The following COL19A1 variants were observed in gnomAD, a reference collection of about 807,000 sequenced individuals.
The protein encoded by COL19A1 is collagen type XIX alpha 1 chain.
In COL19A1, 159 loss-of-function variants were observed where a neutral mutation model predicts 190.2. The observed-to-expected ratio is 0.84, with a 90% CI of 0.73 to 0.95. COL19A1 has a LOEUF of 0.95. Among genes scored for constraint, COL19A1 ranks in the 40% least tolerant of loss-of-function variants. The pLI is 0.00. For missense variants in COL19A1, 1,418 were observed against 1,431.9 expected, an observed-to-expected ratio of 0.99 and a Z score of 0.16; for synonymous variants, 509 against 458.9, an observed-to-expected ratio of 1.11 and a Z score of -1.39.
At chr6:70,027,751 T>C (rs1389363970) in intron 12 of COL19A1, among the ~76,000 whole-genome samples, 1 of 152,048 alleles carries the variant, frequency 6.6e-6, no homozygotes. Flanking sequence ...ACCTTGTCTT[T>C]ACACACAATC....
At chr6:70,163,487 C>A in intron 36 of COL19A1, 91 bp downstream of exon 36, 1 of 1,224,584 alleles carries the variant, frequency 8.2e-7, no homozygotes, top group Non-Finnish European at 1.2e-6. Flanking sequence ...TAAAATCAAG[C>A]AAAGCCTAAA....
At chr6:70,118,228 A>T (rs1487733993) in intron 16 of COL19A1, among the ~76,000 whole-genome samples, 2 of 152,218 alleles carry the variant, frequency 1.3e-5, no homozygotes, top group African/African-American at 4.8e-5. Flanking sequence ...AAAATAGCAC[A>T]TCTCTTGGGA....
chr6:69,975,778 A>G (rs1188762723), intron 11 of COL19A1, among the ~76,000 whole-genome samples: 2 of 152,166 alleles, frequency 1.3e-5, no homozygotes, highest in Non-Finnish European at 2.9e-5. Context: ...ACATGACCAG[A>G]ACACAGCACT....
Position 70,039,758 on chromosome 6 carries a change from TTG to T in COL19A1, c.1170+3821_1170+3822del, listed in dbSNP as rs1427522998. Among the ~76,000 whole-genome samples, 539 of 143,120 alleles carry T rather than the reference TTG, an allele frequency of 3.8e-3. 3 individuals are homozygous for T. Among genetic ancestry groups the T allele is most frequent in the African/African-American group, 0.014 (509 of 35,182 alleles). The allele number at this position is 143,120 out of a possible 152,430, so 93.9% of individuals were successfully genotyped here. A position where few individuals can be genotyped will look rare whatever the true frequency, so the allele number is the denominator to read the frequency against. On this transcript the variant is annotated intron_variant, in intron 14 of 50. Transcript: ENST00000620364. ...CCTTTATGATGTTTTTGGGGAAGTA[TTG>T]TTTTTTTTTTTTTTTCTTTTGAGAC...
At chr6:70,025,005 G>A (rs1427492110) in intron 12 of COL19A1, among the ~76,000 whole-genome samples, 2 of 151,880 alleles carry the variant, frequency 1.3e-5, no homozygotes, top group Non-Finnish European at 2.9e-5. Context: ...GTCTGTAAAA[G>A]TGATGGACTT....
intron 11 of COL19A1, 112 bp downstream of exon 11, chr6:69,962,982 TTA>T (rs1774890184): frequency 2.9e-6 from 2 of 685,030 alleles, no homozygotes; most frequent in Non-Finnish European, 2.3e-6. Context: ...TTCAATAATT[TTA>T]TAGACATAAC....
At chr6:70,097,568 C>T (rs1301753717) in intron 15 of COL19A1, among the ~76,000 whole-genome samples, 2 of 152,010 alleles carry the variant, frequency 1.3e-5, no homozygotes, top group Non-Finnish European at 2.9e-5. Flanking sequence ...TTTAAAACAG[C>T]CCTCCAGGTG....
intron 18 of COL19A1, among the ~76,000 whole-genome samples, chr6:70,136,038 A>G (rs369645411): frequency 6.6e-6 from 1 of 152,192 alleles, no homozygotes; most frequent in East Asian, 1.9e-4. Context: ...TTTGTTATCA[A>G]CAGAGTAGGC....
intron 15 of COL19A1, among the ~76,000 whole-genome samples, chr6:70,086,736 C>T (rs758254236): frequency 3.3e-5 from 5 of 152,140 alleles, no homozygotes; most frequent in Non-Finnish European, 7.4e-5. Flanking sequence ...GTTTTGATGT[C>T]GATGCTCATC....
At chr6:70,061,505 C>T (rs1422169401) in intron 14 of COL19A1, among the ~76,000 whole-genome samples, 1 of 151,982 alleles carries the variant, frequency 6.6e-6, no homozygotes, top group Non-Finnish European at 1.5e-5. Flanking sequence ...TATCTTAGTA[C>T]TTGAGTCTCG....
At position 69,936,925 on chromosome 6, in the gene COL19A1, A is replaced by G; in HGVS notation, c.873+15A>G. On this transcript the variant is annotated intron_variant, in intron 8 of 50. Coordinates refer to ENST00000620364, the MANE Select transcript of COL19A1 (RefSeq NM_001858.6). ...TTCCAAACAAGGTATGCTAGTTTTA[A>G]TTGGTGCACACTGAAAGCCACTCCA... 1 of 1,611,892 alleles carries G rather than the reference A, an allele frequency of 6.2e-7. No homozygotes were observed. Among genetic ancestry groups the G allele is most frequent in the South Asian group, 1.1e-5 (1 of 90,938 alleles).
At chr6:70,100,485 A>G (rs1282733367) in intron 15 of COL19A1, among the ~76,000 whole-genome samples, 1 of 152,002 alleles carries the variant, frequency 6.6e-6, no homozygotes, top group Admixed American at 6.6e-5. Flanking sequence ...CTATAAAATG[A>G]AAGATAAGAG....
intron 4 of COL19A1, among the ~76,000 whole-genome samples, chr6:69,906,077 G>GT (rs1236780868): frequency 6.6e-6 from 1 of 152,164 alleles, no homozygotes; most frequent in East Asian, 1.9e-4. Flanking sequence ...AAAATACTGA[G>GT]TAAAAACAGA....
chr6:69,877,959 C>T (rs779877750), intron 1 of COL19A1, among the ~76,000 whole-genome samples: 33 of 151,682 alleles, frequency 2.2e-4, no homozygotes, highest in Non-Finnish European at 2.9e-4. Context: ...TGCAGTGAGC[C>T]GAGATCGCGC....
intron 10 of COL19A1, among the ~76,000 whole-genome samples, chr6:69,960,623 C>CATTTTTTT (rs1774724220): frequency 1.8e-5 from 2 of 109,858 alleles, no homozygotes; most frequent in Non-Finnish European, 3.6e-5. Context: ...TGTGCCCCCA[C>CATTTTTTT]TTTTTTTTTT....
intron 30 of COL19A1, among the ~76,000 whole-genome samples, chr6:70,150,958 T>C (rs1787021012): frequency 6.6e-6 from 1 of 152,186 alleles, no homozygotes; most frequent in African/African-American, 2.4e-5. Context: ...TGAACTTCCA[T>C]GAGAAATAAC....
At chr6:70,188,297 C>G (rs760678898) in intron 47 of COL19A1, 52 bp downstream of exon 47, 1 of 1,519,288 alleles carries the variant, frequency 6.6e-7, no homozygotes, top group Non-Finnish European at 8.8e-7. Context: ...GACCATGTAT[C>G]CCTTTTACAA....
intron 16 of COL19A1, among the ~76,000 whole-genome samples, chr6:70,118,867 T>C (rs1467196200): frequency 6.6e-6 from 1 of 152,126 alleles, no homozygotes; most frequent in Non-Finnish European, 1.5e-5. Context: ...GCCGTGCATA[T>C]TCTCCCACCC....
At chr6:69,972,433 T>A (rs1205926064) in intron 11 of COL19A1, among the ~76,000 whole-genome samples, 1 of 152,232 alleles carries the variant, frequency 6.6e-6, no homozygotes, top group Non-Finnish European at 1.5e-5. Context: ...TAACACCTAG[T>A]TGAATGCCTA....
Sources: allele counts gnomAD v4.1 joint callset (sites outside exome capture counted in the v4.1 genomes callset), GRCh38; gene constraint gnomAD v4.1.1; transcripts MANE v1.5; gene names NCBI Gene and HGNC (gene_info 2026-07-23, HGNC 2026-07-21).